Variants in CDH18 observed in about 807,000 individuals in gnomAD.
The protein encoded by CDH18 is cadherin 18, also known as cadherin-18.
CDH18 carries 31 observed loss-of-function variants against 67.9 expected under a neutral mutation model. The ratio of observed to expected loss-of-function variants is 0.46; its 90% CI spans 0.34 to 0.62. The LOEUF (loss-of-function observed/expected upper bound fraction) is 0.62, where lower values mean the gene tolerates loss of function less well. CDH18 is among the 20% of genes least tolerant of loss of function. The pLI, the probability that CDH18 is intolerant of heterozygous loss-of-function variation, is 0.01. For synonymous variants in CDH18, 362 were observed against 347.2 expected (o/e 1.04, Z -0.48); for missense variants, 890 against 975.5 (o/e 0.91, Z 1.17).
intron 1 of CDH18, among the ~76,000 whole-genome samples, chr5:20,339,405 G>T (rs1740061624): frequency 6.6e-6 from 1 of 152,062 alleles, no homozygotes; most frequent in South Asian, 2.1e-4. Context: ...CCTTTGCTTT[G>T]TGGGATAACC....
chr5:20,172,417 A>C (rs2126654771), intron 2 of CDH18, among the ~76,000 whole-genome samples: 1 of 150,868 alleles, frequency 6.6e-6, no homozygotes, highest in Non-Finnish European at 1.5e-5. Flanking sequence ...ATTTCTTTTA[A>C]AAATTATTGT....
At chr5:20,573,278 A>C (rs1259001511) in intron 1 of CDH18, among the ~76,000 whole-genome samples, 4 of 152,054 alleles carry the variant, frequency 2.6e-5, no homozygotes, top group Non-Finnish European at 5.9e-5. Flanking sequence ...AAAACTTAGC[A>C]TTGATGTTAC....
At chr5:20,174,491 T>C (rs10074689) in intron 2 of CDH18, among the ~76,000 whole-genome samples, 83,367 of 152,022 alleles carry the variant, frequency 0.55, 22,989 homozygotes, top group Middle Eastern at 0.68. Context: ...AGAACAAAAA[T>C]ACATGCTATT....
chr5:19,623,474 T>A (rs1751011083), intron 5 of CDH18, among the ~76,000 whole-genome samples: 1 of 152,170 alleles, frequency 6.6e-6, no homozygotes, highest in Admixed American at 6.6e-5. Context: ...AATAGCTTAT[T>A]CATGTGGCTT....
chr5:20,301,360 CCAT>C (rs1343218192), intron 1 of CDH18, among the ~76,000 whole-genome samples: 6 of 152,104 alleles, frequency 3.9e-5, no homozygotes, highest in Non-Finnish European at 7.3e-5. Context: ...AACCATTTAT[CCAT>C]CTGATTGCTA....
At chr5:20,533,111 C>T (rs1489949308) in intron 1 of CDH18, among the ~76,000 whole-genome samples, 1 of 151,972 alleles carries the variant, frequency 6.6e-6, no homozygotes, top group Non-Finnish European at 1.5e-5. Context: ...GACACTCACT[C>T]GGGGAGAATG....
chr5:20,514,580 G>A (rs1199403722), intron 1 of CDH18, among the ~76,000 whole-genome samples: 1 of 152,036 alleles, frequency 6.6e-6, no homozygotes, highest in East Asian at 1.9e-4. Context: ...GCTGATTGTA[G>A]TAGCTAAGTA....
chr5:20,541,262 C>T (rs926345595), intron 1 of CDH18, among the ~76,000 whole-genome samples: 35 of 152,156 alleles, frequency 2.3e-4, no homozygotes, highest in Middle Eastern at 6.8e-3. Context: ...ATGTCTCTGC[C>T]TACTTAGAAA....
At chr5:19,733,870 A>T (rs1219016200) in intron 4 of CDH18, among the ~76,000 whole-genome samples, 1 of 152,154 alleles carries the variant, frequency 6.6e-6, no homozygotes, top group Non-Finnish European at 1.5e-5. Flanking sequence ...GACACATCTG[A>T]TCTTACTGCA....
chr5:19,954,080 G>A (rs572366611), intron 2 of CDH18, among the ~76,000 whole-genome samples: 1 of 151,898 alleles, frequency 6.6e-6, no homozygotes, highest in South Asian at 2.1e-4. Context: ...TTCATTTCAG[G>A]ACCTATTATA....
intron 2 of CDH18, among the ~76,000 whole-genome samples, chr5:20,182,597 C>CAAAAA (rs778083062): frequency 4.2e-5 from 2 of 47,396 alleles, no homozygotes; most frequent in African/African-American, 7.8e-5. Context: ...AGCTAAATCT[C>CAAAAA]AAAAAAAAAA....
At chr5:20,228,621 C>A (rs976600199) in intron 2 of CDH18, among the ~76,000 whole-genome samples, 2 of 152,022 alleles carry the variant, frequency 1.3e-5, no homozygotes, top group South Asian at 2.1e-4. Context: ...ATCTCACCAA[C>A]CCCTCTCTCT....
chr5:19,751,873 G>C (rs1045441888), intron 3 of CDH18, among the ~76,000 whole-genome samples: 8 of 152,194 alleles, frequency 5.3e-5, no homozygotes, highest in African/African-American at 1.9e-4. Flanking sequence ...AGACAGAGCA[G>C]GATGTGGAGG....
At chr5:19,789,450 T>A (rs1776141245) in intron 3 of CDH18, among the ~76,000 whole-genome samples, 1 of 152,164 alleles carries the variant, frequency 6.6e-6, no homozygotes, top group African/African-American at 2.4e-5. Context: ...AAATTTATAA[T>A]TTCAGTTCTT....
chr5:20,337,215 C>G (rs11746899), intron 1 of CDH18, among the ~76,000 whole-genome samples: 64,621 of 152,144 alleles, frequency 0.42, 15,881 homozygotes, highest in Middle Eastern at 0.61. Context: ...CCCCCATTGT[C>G]TTGGTGATTA....
At chr5:19,917,547 T>C (rs1240797858) in intron 2 of CDH18, among the ~76,000 whole-genome samples, 1 of 152,144 alleles carries the variant, frequency 6.6e-6, no homozygotes, top group Non-Finnish European at 1.5e-5. Context: ...TGCTTAATGG[T>C]CCTGAGATGT....
chr5:20,388,941 T>G (rs1265858723), intron 1 of CDH18, among the ~76,000 whole-genome samples: 1 of 152,206 alleles, frequency 6.6e-6, no homozygotes, highest in Non-Finnish European at 1.5e-5. Context: ...TTCTGTTTTT[T>G]CACATTTGCT....
intron 2 of CDH18, among the ~76,000 whole-genome samples, chr5:19,936,655 G>A (rs1794304652): frequency 6.6e-6 from 1 of 150,876 alleles, no homozygotes; most frequent in Non-Finnish European, 1.5e-5. Flanking sequence ...AGAAGCTCTA[G>A]TATAACATAA....
intron 6 of CDH18, among the ~76,000 whole-genome samples, chr5:19,599,620 C>T (rs1256939485): frequency 2.0e-5 from 3 of 151,912 alleles, no homozygotes; most frequent in South Asian, 2.1e-4. Context: ...AACACAGAGC[C>T]GGCCAGGCGT....
Sources: gnomAD v4.1 joint callset for allele counts (sites outside exome capture counted in the v4.1 genomes callset) on GRCh38, gnomAD v4.1.1 for gene constraint, MANE v1.5 for transcripts, NCBI Gene and HGNC (gene_info 2026-07-23, HGNC 2026-07-21) for gene names.